The following EGFLAM variants were observed in gnomAD, a reference collection of about 807,000 sequenced individuals.
The protein encoded by EGFLAM is EGF like, fibronectin type III and laminin G domains, also known as pikachurin.
EGFLAM carries 79 observed loss-of-function variants against 113.1 expected under a neutral mutation model. The ratio of observed to expected loss-of-function variants is 0.70; its 90% CI spans 0.58 to 0.84. The LOEUF (loss-of-function observed/expected upper bound fraction) is 0.84. Among genes scored for constraint, EGFLAM ranks in the 40% least tolerant of loss-of-function variants. EGFLAM has a pLI of 0.00. For missense variants in EGFLAM, 1,265 were observed against 1,291.6 expected (o/e 0.98, Z 0.32); for synonymous variants, 504 against 487.6 (o/e 1.03, Z -0.44).
At chr5:38,269,736 G>A (rs750188648) in intron 1 of EGFLAM, among the ~76,000 whole-genome samples, 28 of 152,136 alleles carry the variant, frequency 1.8e-4, no homozygotes, top group African/African-American at 6.0e-4. Context: ...TGATCCGCCC[G>A]CCTCGGCCTC....
chr5:38,445,736 A>C, intron 17 of EGFLAM: 2 of 1,596,704 alleles, frequency 1.3e-6, no homozygotes, highest in Non-Finnish European at 8.5e-7. Flanking sequence ...AAACTGCGAG[A>C]GCGCTCTGGG....
At chr5:38,442,287 A>T (rs933778786) in intron 17 of EGFLAM, among the ~76,000 whole-genome samples, 17 of 148,654 alleles carry the variant, frequency 1.1e-4, no homozygotes, top group Non-Finnish European at 2.2e-4. Flanking sequence ...GTCATTTATT[A>T]TATTAAAAAT....
At chr5:38,305,167 C>A (rs1419315498) in intron 1 of EGFLAM, among the ~76,000 whole-genome samples, 2 of 151,708 alleles carry the variant, frequency 1.3e-5, no homozygotes, top group African/African-American at 4.8e-5. Flanking sequence ...TTCAGAGATA[C>A]AAAAAGATGA....
At position 38,406,954 on chromosome 5, in the gene EGFLAM, A is replaced by T; in HGVS notation, c.955A>T (p.Thr319Ser). 2.5e-6 allele frequency: 4 copies of T among 1,614,160 alleles called. No individual in the cohort carries two copies. Among genetic ancestry groups the T allele is most frequent in the Non-Finnish European group, 3.4e-6 (4 of 1,180,022 alleles). Reference protein sequence around the residue: ...IPPTSASLPVTTVAPQPIPIQ... With the variant: ...IPPTSASLPVSTVAPQPIPIQ... ...CCCTACCTCAGCATCTCTCCCTGTG[A>T]CCACGGTGGCTCCCCAGCCCATTCC... Residue 319 changes from threonine (T) to serine (S), a missense_variant, in exon 8 of 22, where the codon ACC becomes TCC. Thr to Ser is a moderately conservative substitution (Grantham distance 58). Transcript: ENST00000322350.
chr5:38,348,006 T>C (rs1224163900), intron 3 of EGFLAM, among the ~76,000 whole-genome samples: 1 of 150,602 alleles, frequency 6.6e-6, no homozygotes, highest in Non-Finnish European at 1.5e-5. Flanking sequence ...GGGTGTAGAG[T>C]GAACTCATAG....
At chr5:38,440,944 A>G (rs966228613) in intron 17 of EGFLAM, among the ~76,000 whole-genome samples, 8 of 152,184 alleles carry the variant, frequency 5.3e-5, no homozygotes, top group African/African-American at 1.7e-4. Flanking sequence ...TAGTTGGACA[A>G]TTTGACACTT....
chr5:38,381,092 A>T (rs1740500134), intron 6 of EGFLAM, among the ~76,000 whole-genome samples: 2 of 152,208 alleles, frequency 1.3e-5, no homozygotes, highest in South Asian at 4.1e-4. Context: ...CCACATACAT[A>T]TCCACACACA....
chr5:38,462,140 G>A lies in EGFLAM; in HGVS notation c.2772-768G>A, dbSNP rs186401256. The stretch of plus-strand genomic sequence containing the variant: ...GCCGAGATCGCGCCACTGCACTCCA[G>A]CCTGGGCGACAGCGGGACTCCGTCT... On this transcript the variant is annotated intron_variant, in intron 20 of 21. Transcript: ENST00000322350. Among the ~76,000 whole-genome samples, 12 of 152,300 alleles carry A rather than the reference G, an allele frequency of 7.9e-5. No individual in the cohort carries two copies. In the East Asian group the frequency reaches 1.2e-3, roughly 15 times the overall value.
rs539231653 is a variant in EGFLAM, at chr5:38,427,058, T to C, written c.1860T>C (p.Ala620=). The change falls in exon 14 of 22, where the codon GCT becomes GCC. Residue 620 remains alanine (A), a synonymous_variant. Transcript: ENST00000322350. Reference sequence around the variant, plus strand: ...TCAGAGAGTCTCTGAGATCTTACGCTGCAACTCCCTGGCCACTGGAGCCCC... The same window carrying C: ...TCAGAGAGTCTCTGAGATCTTACGCCGCAACTCCCTGGCCACTGGAGCCCC... The part of the protein sequence containing the change: ...PQFRESLRSY[A]ATPWPLEPQH... The C allele has an allele frequency of 3.7e-6, 6 of 1,614,010 alleles. No homozygotes were observed. The South Asian group carries it at 6.6e-5, about 18-fold the overall frequency.
At chr5:38,314,104 C>T (rs1360121241) in intron 1 of EGFLAM, among the ~76,000 whole-genome samples, 3 of 152,144 alleles carry the variant, frequency 2.0e-5, no homozygotes, top group South Asian at 4.1e-4. Flanking sequence ...TGTTTTATGG[C>T]TTTACCAATA....
chr5:38,409,488 G>C (rs554754492), intron 10 of EGFLAM, among the ~76,000 whole-genome samples: 2 of 152,016 alleles, frequency 1.3e-5, no homozygotes, highest in Non-Finnish European at 2.9e-5. Flanking sequence ...CCTGGCACTG[G>C]AGGTGCTGTT....
intron 1 of EGFLAM, among the ~76,000 whole-genome samples, chr5:38,287,786 T>C (rs1758202344): frequency 6.6e-6 from 1 of 152,232 alleles, no homozygotes; most frequent in South Asian, 2.1e-4. Flanking sequence ...GATGTGGAAA[T>C]GAGTATCTTT....
At chr5:38,337,442 C>A in intron 1 of EGFLAM, 78 bp from the exon 2 acceptor site, 1 of 1,259,332 alleles carries the variant, frequency 7.9e-7, no homozygotes. Context: ...TTAGATAATG[C>A]ACTCTTAAAT....
At chr5:38,349,197 C>T (rs1366432907) in intron 3 of EGFLAM, among the ~76,000 whole-genome samples, 1 of 152,064 alleles carries the variant, frequency 6.6e-6, no homozygotes, top group Non-Finnish European at 1.5e-5. Context: ...CTTATAATCC[C>T]ATAAGAGAAA....
At chr5:38,390,289 A>G (rs1349576379) in intron 6 of EGFLAM, among the ~76,000 whole-genome samples, 11 of 152,208 alleles carry the variant, frequency 7.2e-5, no homozygotes, top group Admixed American at 7.2e-4. Context: ...TCCTTTTGCA[A>G]GTAATTTTTC....
chr5:38,312,915 C>A (rs948932061), intron 1 of EGFLAM, among the ~76,000 whole-genome samples: 10 of 151,860 alleles, frequency 6.6e-5, no homozygotes, highest in Non-Finnish European at 1.0e-4. Context: ...TGGTAAAAAC[C>A]CCTCTGTAGT....
At chr5:38,323,662 T>C (rs1223802261) in intron 1 of EGFLAM, among the ~76,000 whole-genome samples, 2 of 152,156 alleles carry the variant, frequency 1.3e-5, no homozygotes, top group Non-Finnish European at 1.5e-5. Flanking sequence ...TTTTTTTTAA[T>C]ATTGAGGAAG....
intron 12 of EGFLAM, among the ~76,000 whole-genome samples, chr5:38,422,873 T>C (rs146376428): frequency 1.2e-3 from 177 of 152,212 alleles, no homozygotes; most frequent in African/African-American, 4.2e-3. Flanking sequence ...ACAGATGCAA[T>C]ATATTTTCCT....
At chr5:38,396,257 GGAGAGAGA>G (rs57874446) in intron 6 of EGFLAM, among the ~76,000 whole-genome samples, 1 of 150,310 alleles carries the variant, frequency 6.7e-6, no homozygotes, top group African/African-American at 2.4e-5. Context: ...TCCCACAGAA[GGAGAGAGA>G]GAGAGAGAGA....
Sources: gnomAD v4.1 joint callset for allele counts (sites outside exome capture counted in the v4.1 genomes callset) on GRCh38, gnomAD v4.1.1 for gene constraint, MANE v1.5 for transcripts, NCBI Gene and HGNC (gene_info 2026-07-23, HGNC 2026-07-21) for gene names.